ADGRG6: variants seen among roughly 807,000 people sequenced by gnomAD.
The protein encoded by ADGRG6 is adhesion G protein-coupled receptor G6.
ADGRG6 carries 84 observed loss-of-function variants against 142.4 expected under a neutral mutation model. That is an observed-to-expected ratio of 0.59 (90% confidence interval 0.49 to 0.71). The LOEUF is 0.71. Among genes scored for constraint, ADGRG6 ranks in the 30% least tolerant of loss-of-function variants. The pLI, the probability that ADGRG6 is intolerant of heterozygous loss-of-function variation, is 0.00. For synonymous variants in ADGRG6, 521 were observed against 520.5 expected (o/e 1.00, Z -0.01); for missense variants, 1,367 against 1,466.6 (o/e 0.93, Z 1.11).
At chr6:142,306,186 C>G (rs1777486835) in intron 1 of ADGRG6, among the ~76,000 whole-genome samples, 1 of 152,132 alleles carries the variant, frequency 6.6e-6, no homozygotes, top group African/African-American at 2.4e-5. Context: ...ACTAATTTCT[C>G]TTTAAATTGT....
chr6:142,397,389 T>C (rs536758265), intron 9 of ADGRG6, among the ~76,000 whole-genome samples: 139 of 152,278 alleles, frequency 9.1e-4, no homozygotes, highest in African/African-American at 3.3e-3. Context: ...TGGAGTTATT[T>C]GACAGAATTA....
At chr6:142,383,248 A>G (rs866386929) in intron 5 of ADGRG6, among the ~76,000 whole-genome samples, 5 of 152,156 alleles carry the variant, frequency 3.3e-5, no homozygotes, top group African/African-American at 9.7e-5. Context: ...AACTTAGTCT[A>G]TGCATTTCAT....
chr6:142,324,555 C>G lies in ADGRG6; in HGVS notation c.103+14911C>G, dbSNP rs893716769. Among the ~76,000 whole-genome samples the G allele has an allele frequency of 2.6e-5, 4 of 152,180 alleles. No individual in the cohort carries two copies. The East Asian group carries it at 7.7e-4, about 29-fold the overall frequency. On this transcript the variant is annotated intron_variant, in intron 2 of 24. Transcript: ENST00000367609. ...ATCTCATGATCTGTCTCAAATGCCT[C>G]TTCATGTAGGCAGCATTTAAAATAA...
chr6:142,378,173 T>A (rs565981940), intron 4 of ADGRG6, among the ~76,000 whole-genome samples: 1 of 152,276 alleles, frequency 6.6e-6, no homozygotes, highest in African/African-American at 2.4e-5. Flanking sequence ...AAATCATAGC[T>A]CTTCTGATTT....
intron 1 of ADGRG6, among the ~76,000 whole-genome samples, chr6:142,305,422 C>T (rs1582948328): frequency 7.7e-6 from 1 of 130,218 alleles, no homozygotes; most frequent in East Asian, 2.2e-4. Flanking sequence ...CCCACGAGCC[C>T]CTCCTGTACA....
At chr6:142,346,106 T>C (rs1779887041) in intron 2 of ADGRG6, among the ~76,000 whole-genome samples, 1 of 152,138 alleles carries the variant, frequency 6.6e-6, no homozygotes, top group Admixed American at 6.5e-5. Flanking sequence ...TAATAAAACC[T>C]TCCTGAGACA....
At chr6:142,393,578 T>A (rs1017406726) in intron 8 of ADGRG6, among the ~76,000 whole-genome samples, 1 of 152,184 alleles carries the variant, frequency 6.6e-6, no homozygotes, top group African/African-American at 2.4e-5. Context: ...TCTGTGAAGA[T>A]AAGAGATTTA....
intron 2 of ADGRG6, among the ~76,000 whole-genome samples, chr6:142,363,100 A>G (rs1239897537): frequency 6.6e-6 from 1 of 152,204 alleles, no homozygotes. Flanking sequence ...GTTCAAATAG[A>G]GATCAAGATT....
At chr6:142,336,360 A>G (rs893053622) in intron 2 of ADGRG6, among the ~76,000 whole-genome samples, 13 of 152,168 alleles carry the variant, frequency 8.5e-5, no homozygotes, top group African/African-American at 3.1e-4. Flanking sequence ...TTTGTTTAGT[A>G]ATTCAGAAAG....
At chr6:142,327,887 A>G (rs559443843) in intron 2 of ADGRG6, among the ~76,000 whole-genome samples, 1 of 152,256 alleles carries the variant, frequency 6.6e-6, no homozygotes, top group Admixed American at 6.5e-5. Flanking sequence ...TATCTCAATA[A>G]TGTTACTTTA....
At chr6:142,394,045 G>A in intron 9 of ADGRG6, 87 bp downstream of exon 9, 1 of 880,508 alleles carries the variant, frequency 1.1e-6, no homozygotes, top group South Asian at 1.5e-5. Flanking sequence ...CAATTAGATA[G>A]GAAAGAAAAA....
intron 2 of ADGRG6, among the ~76,000 whole-genome samples, chr6:142,342,506 C>T (rs776008718): frequency 2.6e-5 from 4 of 151,894 alleles, no homozygotes; most frequent in Admixed American, 6.6e-5. Context: ...ATTATGAAAA[C>T]CCTAATTTCC....
chr6:142,398,361 G>C (rs375622177), intron 10 of ADGRG6, among the ~76,000 whole-genome samples: 6 of 152,128 alleles, frequency 3.9e-5, no homozygotes, highest in African/African-American at 1.4e-4. Flanking sequence ...GGAGGTCAAG[G>C]CTGCAGTGAG....
Position 142,419,858 on chromosome 6 carries a change from T to G in ADGRG6, c.3073T>G (p.Cys1025Gly). 1 of 1,612,376 alleles carries G rather than the reference T, an allele frequency of 6.2e-7. No homozygotes were observed. The highest frequency in any genetic ancestry group is 8.5e-7 in the Non-Finnish European group (1 of 1,178,746). Residue 1025 changes from cysteine (C) to glycine (G), a missense_variant, in exon 22 of 25, where the codon TGT (cysteine) becomes GGT (glycine). Coordinates refer to ENST00000367609, the MANE Select transcript of ADGRG6 (RefSeq NM_198569.3). ...IQDPVIFYVT[C>G]AGYFGVMFFL... is the part of the protein sequence containing the mutation. ...AGATCCAGTCATATTTTATGTGACC[T>G]GTGCTGGGTATTTTGGAGTCATGTT...
chr6:142,351,887 G>A (rs1295815751), intron 2 of ADGRG6, among the ~76,000 whole-genome samples: 3 of 152,074 alleles, frequency 2.0e-5, no homozygotes, highest in Non-Finnish European at 4.4e-5. Flanking sequence ...AATCATTAGA[G>A]AAATGCAAAT....
At chr6:142,348,957 A>G (rs892707197) in intron 2 of ADGRG6, among the ~76,000 whole-genome samples, 1 of 152,188 alleles carries the variant, frequency 6.6e-6, no homozygotes, top group African/African-American at 2.4e-5. Flanking sequence ...AGTTGGGCCT[A>G]AAGAGGGTTC....
At chr6:142,433,230 G>A (rs1412513947) in intron 22 of ADGRG6, among the ~76,000 whole-genome samples, 2 of 152,152 alleles carry the variant, frequency 1.3e-5, no homozygotes, top group African/African-American at 2.4e-5. Context: ...TGCAGCCTCC[G>A]TCATCTGTAG....
intron 1 of ADGRG6, among the ~76,000 whole-genome samples, chr6:142,303,808 A>G (rs1777347582): frequency 1.3e-5 from 2 of 152,222 alleles, no homozygotes; most frequent in South Asian, 4.1e-4. Flanking sequence ...ACCTGTTTTT[A>G]AAATAAAAGA....
intron 24 of ADGRG6, among the ~76,000 whole-genome samples, chr6:142,441,128 T>C (rs1349518563): frequency 6.6e-6 from 1 of 152,198 alleles, no homozygotes; most frequent in African/African-American, 2.4e-5. Flanking sequence ...TGATAGTGTG[T>C]GCTGTGCTGG....
Sources: allele counts gnomAD v4.1 joint callset (sites outside exome capture counted in the v4.1 genomes callset), GRCh38; gene constraint gnomAD v4.1.1; transcripts MANE v1.5; gene names NCBI Gene and HGNC (gene_info 2026-07-23, HGNC 2026-07-21).